Variants in TMED8 observed in about 807,000 individuals in gnomAD.
The protein encoded by TMED8 is protein TMED8.
Under a neutral mutation model 32.7 loss-of-function variants are expected in TMED8, and 15 were observed. The ratio of observed to expected loss-of-function variants is 0.46; its 90% CI spans 0.31 to 0.71. TMED8 has a LOEUF of 0.71. Among genes scored for constraint, TMED8 ranks in the 30% least tolerant of loss-of-function variants. The pLI is 0.06. For missense variants in TMED8, 390 were observed against 423.9 expected (o/e 0.92, Z 0.70); for synonymous variants, 147 against 161.4 (o/e 0.91, Z 0.68).
At chr14:77,358,142 A>G (rs1230770966) in intron 1 of TMED8, among the ~76,000 whole-genome samples, 3 of 150,740 alleles carry the variant, frequency 2.0e-5, no homozygotes, top group Non-Finnish European at 3.0e-5. Context: ...AAAAAAAAAA[A>G]AAGAAATTGT....
At chr14:77,347,794 G>A (rs1433751423) in intron 2 of TMED8, among the ~76,000 whole-genome samples, 2 of 152,220 alleles carry the variant, frequency 1.3e-5, no homozygotes, top group Non-Finnish European at 1.5e-5. Context: ...TTAGTGCCAC[G>A]GTTGTAGCAA....
At chr14:77,353,439 GTTT>G (rs71303874) in intron 1 of TMED8, among the ~76,000 whole-genome samples, 147 of 127,478 alleles carry the variant, frequency 1.2e-3, no homozygotes, top group African/African-American at 3.9e-3. Flanking sequence ...TCTTTTCTTT[GTTT>G]TTTTTTTTTT....
intron 2 of TMED8, among the ~76,000 whole-genome samples, chr14:77,346,922 ACTC>A (rs1893062300): frequency 6.6e-6 from 1 of 151,322 alleles, no homozygotes; most frequent in Admixed American, 6.6e-5. Flanking sequence ...CCCCTCACAT[ACTC>A]CTTTTTGTGG....
chr14:77,377,006 T>C lies in TMED8; in HGVS notation c.48A>G (p.Thr16=). 7.0e-7 allele frequency: 1 copy of C among 1,426,776 alleles called. No homozygotes were observed. Among genetic ancestry groups the C allele is most frequent in the Non-Finnish European group, 9.1e-7 (1 of 1,100,084 alleles). 88.4% of individuals were successfully genotyped at this position (1,426,776 alleles called of 1,614,324 possible). Residue 16 remains threonine (T), a synonymous_variant, in exon 1 of 6, where the codon ACA becomes ACG. Coordinates refer to ENST00000216468, the MANE Select transcript of TMED8 (RefSeq NM_213601.3). The part of the protein sequence containing the change: ...AAEGPGSWSP[T]ARPGSAGGVG... ...CGCCGCCAGCCGACCCTGGGCGGGC[T>C]GTGGGGCTCCAGGAGCCCGGCCCCT... is the stretch of plus-strand genomic sequence containing the variant.
At chr14:77,372,907 TATATATATA>T (rs1337500440) in intron 1 of TMED8, among the ~76,000 whole-genome samples, 2,662 of 41,658 alleles carry the variant, frequency 0.064, 193 homozygotes, top group East Asian at 0.12. Context: ...CCACAGATAT[TATATATATA>T]TATATATATA....
chr14:77,342,361 A>G (rs368958166), intron 5 of TMED8, among the ~76,000 whole-genome samples: 3 of 152,190 alleles, frequency 2.0e-5, no homozygotes, highest in Non-Finnish European at 2.9e-5. Flanking sequence ...CCGATATTCT[A>G]TCATTTAGTA....
rs1394813671 is a variant in TMED8 at position 77,336,510 on chromosome 14, CA to C, written c.*5260del. ...TTAGAAATTTCTTACCTTAAGAATTCAAACAGGAGGGGCTTTGTTTAGCCTT... is the reference window on the plus strand; with the variant it reads ...TTAGAAATTTCTTACCTTAAGAATTCAACAGGAGGGGCTTTGTTTAGCCTT... On this transcript the variant is annotated 3_prime_UTR_variant, in exon 6 of 6. Transcript: ENST00000216468. 2 of 152,114 alleles carry C rather than the reference CA, an allele frequency of 1.3e-5. No homozygotes were observed. Among genetic ancestry groups the C allele is most frequent in the African/African-American group, 4.8e-5 (2 of 41,416 alleles). The allele number at this position is 152,114 out of a possible 1,614,324, so 9.4% of individuals were successfully genotyped here.
At position 77,341,677 on chromosome 14, in the gene TMED8, T is replaced by C. The variant is rs1226955439; in HGVS notation, c.*94A>G. 11 of 1,268,812 alleles carry C rather than the reference T, an allele frequency of 8.7e-6. No individual in the cohort carries two copies. Among genetic ancestry groups the C allele is most frequent in the Middle Eastern group, 1.9e-4 (1 of 5,178 alleles). 78.6% of individuals were successfully genotyped at this position (1,268,812 alleles called of 1,614,324 possible). On this transcript the variant is annotated 3_prime_UTR_variant, in exon 6 of 6. Transcript: ENST00000216468. The stretch of plus-strand genomic sequence containing the variant: ...GGGTGTGAGGCTCAGCAGCCCCCCA[T>C]GAACCTTTGGCTCTTGCCTATCCCA...
chr14:77,346,267 G>T, intron 3 of TMED8, 82 bp downstream of exon 3: 1 of 1,479,390 alleles, frequency 6.8e-7, no homozygotes, highest in Non-Finnish European at 9.2e-7. Context: ...CCCTCGCAGT[G>T]CTTTCTAATT....
intron 1 of TMED8, among the ~76,000 whole-genome samples, chr14:77,355,218 C>CA (rs1404895475): frequency 7.2e-6 from 1 of 138,540 alleles, no homozygotes; most frequent in African/African-American, 2.6e-5. Flanking sequence ...TTTTTTGAGA[C>CA]ATAGTCTTGC....
rs1352409397 is a variant in TMED8, at chr14:77,336,971, A to G, written c.*4800T>C. ...ACAGATTAAGACTTTTTATGATAAT[A>G]CCTAATTCTACTGCTTAATATAAGA... On this transcript the variant is annotated 3_prime_UTR_variant, in exon 6 of 6. Coordinates refer to ENST00000216468, the MANE Select transcript of TMED8 (RefSeq NM_213601.3). 1 of 152,214 alleles carries G rather than the reference A, an allele frequency of 6.6e-6. No homozygotes were observed. Among genetic ancestry groups the G allele is most frequent in the African/African-American group, 2.4e-5 (1 of 41,458 alleles). The allele number at this position is 152,214 out of a possible 1,614,324, so 9.4% of individuals were successfully genotyped here. A position where few individuals can be genotyped will look rare whatever the true frequency, so the allele number is the denominator to read the frequency against.
chr14:77,369,631 A>G (rs1250811101), intron 1 of TMED8, among the ~76,000 whole-genome samples: 6 of 152,230 alleles, frequency 3.9e-5, no homozygotes, highest in Non-Finnish European at 1.5e-5. Flanking sequence ...GAGACAAAAG[A>G]GCCCCAAAAT....
rs781771868 is a variant in TMED8, at chr14:77,341,780, G to A, written c.969C>T (p.Tyr323=). 4.3e-6 allele frequency: 7 copies of A among 1,614,160 alleles called. No homozygotes were observed. Among genetic ancestry groups the A allele is most frequent in the Non-Finnish European group, 5.9e-6 (7 of 1,180,014 alleles). ...CTGTCCCAGCAGTCCTTCAGCTGGT[G>A]TAGTAGATGTGGAAGTAGAGAGTCT... ...RNKTLYFHIY[Y]TS The change falls in exon 6 of 6, where the codon TAC becomes TAT. Residue 323 remains tyrosine (Y), a synonymous_variant. Transcript: ENST00000216468.
At position 77,377,025 on chromosome 14, in the gene TMED8, G is replaced by T. The variant is rs182573253; in HGVS notation, c.29C>A (p.Pro10Gln). 9.9e-3 allele frequency: 13,815 copies of T among 1,392,140 alleles called. 108 individuals carry two copies. The highest frequency in any genetic ancestry group is 0.011 in the Non-Finnish European group (11,510 of 1,082,810). The allele number at this position is 1,392,140 out of a possible 1,614,324, so 86.2% of individuals were successfully genotyped here. MSDLQAAEG[P>Q]GSWSPTARPG... Reference sequence around the variant, plus strand: ...GCGGGCTGTGGGGCTCCAGGAGCCCGGCCCCTCAGCCGCCTGCAGGTCAGA... The same window carrying T: ...GCGGGCTGTGGGGCTCCAGGAGCCCTGCCCCTCAGCCGCCTGCAGGTCAGA... Residue 10 changes from proline (P) to glutamine (Q), a missense_variant, in exon 1 of 6, where the codon CCG (proline) becomes CAG (glutamine). Physicochemically the swap from Pro to Gln is moderately conservative, Grantham distance 76. Coordinates refer to ENST00000216468, the MANE Select transcript of TMED8 (RefSeq NM_213601.3).
Position 77,339,227 on chromosome 14 carries a change from T to C in TMED8, c.*2544A>G, listed in dbSNP as rs1432587089. On this transcript the variant is annotated 3_prime_UTR_variant, in exon 6 of 6. Transcript: ENST00000216468. Reference sequence around the variant, plus strand: ...GAATTAGACAGTGAAAATATCTTCTTTTAGCTATTTTGTGCTAATGGAACA... The same window carrying C: ...GAATTAGACAGTGAAAATATCTTCTCTTAGCTATTTTGTGCTAATGGAACA... 1.3e-5 allele frequency: 2 copies of C among 152,204 alleles called. No individual in the cohort carries two copies. The highest frequency in any genetic ancestry group is 2.4e-5 in the African/African-American group (1 of 41,436). The allele number at this position is 152,204 out of a possible 1,614,324, so 9.4% of individuals were successfully genotyped here.
chr14:77,373,728 C>T lies in TMED8; in HGVS notation c.118+3208G>A, dbSNP rs562869574. Among the ~76,000 whole-genome samples the T allele has an allele frequency of 1.2e-4, 18 of 152,290 alleles. No homozygotes were observed. In the South Asian group the frequency reaches 1.7e-3, roughly 14 times the overall value. On this transcript the variant is annotated intron_variant, in intron 1 of 5. Transcript: ENST00000216468. The stretch of plus-strand genomic sequence containing the variant: ...GGATGTTTGTTCCCTCCAAATCTCA[C>T]GCTGAAATGTGATTTCCAATGTTAG...
At chr14:77,365,658 T>TA (rs2139631560) in intron 1 of TMED8, among the ~76,000 whole-genome samples, 2 of 152,338 alleles carry the variant, frequency 1.3e-5, no homozygotes, top group South Asian at 4.1e-4. Flanking sequence ...TTTAACTTGA[T>TA]ACTTAACCAA....
Position 77,343,340 on chromosome 14 carries a change from C to G in TMED8, c.598G>C (p.Glu200Gln). 6.2e-7 allele frequency: 1 copy of G among 1,614,200 alleles called. No homozygotes were observed. The highest frequency in any genetic ancestry group is 2.2e-5 in the East Asian group (1 of 44,878). The change falls in exon 5 of 6, where the codon GAG (glutamate) becomes CAG (glutamine). Residue 200 changes from glutamate (E) to glutamine (Q), a missense_variant. Physicochemically the swap from Glu to Gln is conservative, Grantham distance 29. Coordinates refer to ENST00000216468, the MANE Select transcript of TMED8 (RefSeq NM_213601.3). The part of the protein sequence containing the change: ...VVTIRVPTHP[E>Q]GKRVCWEFAT... ...AACTCCCAGCAGACACGCTTCCCCT[C>G]TGGATGAGTAGGTACCCGGATGGTC...
intron 3 of TMED8, among the ~76,000 whole-genome samples, chr14:77,345,795 C>A (rs1458841099): frequency 6.6e-6 from 1 of 151,664 alleles, no homozygotes; most frequent in Non-Finnish European, 1.5e-5. Context: ...TATGGTGAAG[C>A]CCTGCCTCTA....
Sources: gnomAD v4.1 joint callset for allele counts (sites outside exome capture counted in the v4.1 genomes callset) on GRCh38, gnomAD v4.1.1 for gene constraint, MANE v1.5 for transcripts, NCBI Gene and HGNC (gene_info 2026-07-23, HGNC 2026-07-21) for gene names.